Variants in MAPK8 observed in about 807,000 individuals in gnomAD.
MAPK8 encodes the protein mitogen-activated protein kinase 8.
Under a neutral mutation model 52.9 loss-of-function variants are expected in MAPK8, and 13 were observed. The ratio of observed to expected loss-of-function variants is 0.25; its 90% confidence interval spans 0.16 to 0.39. The LOEUF (loss-of-function observed/expected upper bound fraction) is 0.39, where lower values mean the gene tolerates loss of function less well. Ranked by LOEUF, MAPK8 falls within the 10% of genes least tolerant of loss-of-function variation. The pLI is 1.00. For missense variants in MAPK8, 300 were observed against 519.2 expected, an observed-to-expected ratio of 0.58 and a Z score of 4.10; for synonymous variants, 191 against 169.8, an observed-to-expected ratio of 1.12 and a Z score of -0.97.
chr10:48,316,042 G>A (rs1436157834), intron 1 of MAPK8, among the ~76,000 whole-genome samples: 1 of 152,182 alleles, frequency 6.6e-6, no homozygotes, highest in African/African-American at 2.4e-5. Context: ...AACTTGAAAT[G>A]AATTGTGGTT....
intron 1 of MAPK8, among the ~76,000 whole-genome samples, chr10:48,359,766 T>A (rs949207997): frequency 6.6e-6 from 1 of 152,216 alleles, no homozygotes; most frequent in Non-Finnish European, 1.5e-5. Flanking sequence ...CAGTTCCAGG[T>A]TGAATAAATA....
At chr10:48,398,845 G>A (rs191733036) in intron 1 of MAPK8, among the ~76,000 whole-genome samples, 68 of 152,272 alleles carry the variant, frequency 4.5e-4, no homozygotes, top group Non-Finnish European at 8.1e-4. Context: ...TAGGAGTTGG[G>A]GGGCAAGGGG....
At chr10:48,317,776 ATCT>A (rs2132120715) in intron 1 of MAPK8, among the ~76,000 whole-genome samples, 1 of 152,250 alleles carries the variant, frequency 6.6e-6, no homozygotes, top group African/African-American at 2.4e-5. Flanking sequence ...CCTGGCTTTC[ATCT>A]TCTCTGTGGT....
intron 3 of MAPK8, 137 bp from the exon 4 acceptor site, chr10:48,409,742 G>A (rs1287077346): frequency 1.6e-6 from 1 of 642,914 alleles, no homozygotes; most frequent in African/African-American, 1.8e-5. Flanking sequence ...TAAAATGAAA[G>A]CAATTAACTT....
At chr10:48,405,259 T>A (rs1374392424) in intron 3 of MAPK8, among the ~76,000 whole-genome samples, 1 of 152,164 alleles carries the variant, frequency 6.6e-6, no homozygotes, top group Non-Finnish European at 1.5e-5. Flanking sequence ...AGAAGAATTT[T>A]ATTCAGCTTG....
chr10:48,309,159 AAATTGTTGGTTTTTAAAAAT>A (rs1479546618), intron 1 of MAPK8, among the ~76,000 whole-genome samples: 1 of 152,204 alleles, frequency 6.6e-6, no homozygotes, highest in African/African-American at 2.4e-5. Context: ...TTTGTTTTCC[AAATTGTTGGTTTTTAAAAAT>A]AGCTTTATTG....
chr10:48,329,636 CTG>C (rs1171503263), intron 1 of MAPK8, among the ~76,000 whole-genome samples: 2 of 152,046 alleles, frequency 1.3e-5, no homozygotes, highest in East Asian at 1.9e-4. Flanking sequence ...ATGTGTGTAA[CTG>C]TTTTATTGGT....
rs1013672709 is a variant in MAPK8 at position 48,435,239 on chromosome 10, A to G, written c.*210A>G. ...CAAAACAGCAACAAAACTGTATTGT[A>G]TTTTTTTTGCTGTAATTAACTGTAT... On this transcript the variant is annotated 3_prime_UTR_variant, in exon 12 of 12. Transcript: ENST00000374189. 2.0e-4 allele frequency: 88 copies of G among 439,584 alleles called. No homozygotes were observed. The highest frequency in any genetic ancestry group is 1.7e-3 in the African/African-American group (83 of 49,260). 27.2% of individuals were successfully genotyped at this position (439,584 alleles called of 1,614,324 possible).
Position 48,401,702 on chromosome 10 carries a change from G to A in MAPK8, c.42G>A (p.Glu14=). 1 of 1,603,798 alleles carries A rather than the reference G, an allele frequency of 6.2e-7. No individual in the cohort carries two copies. Among genetic ancestry groups the A allele is most frequent in the Non-Finnish European group, 8.5e-7 (1 of 1,175,718 alleles). ...GTGACAACAATTTTTATAGTGTAGAGATTGGAGATTCTACATTCACAGTCC... is the reference window on the plus strand; with the variant it reads ...GTGACAACAATTTTTATAGTGTAGAAATTGGAGATTCTACATTCACAGTCC... ...SKRDNNFYSV[E]IGDSTFTVLK... is the part of the protein sequence containing the mutation. The change falls in exon 2 of 12, where the codon GAG becomes GAA. Residue 14 remains glutamate, a synonymous_variant. Transcript: ENST00000374189.
chr10:48,428,775 C>T (rs1036226433), intron 10 of MAPK8, among the ~76,000 whole-genome samples: 10 of 151,978 alleles, frequency 6.6e-5, no homozygotes, highest in African/African-American at 1.9e-4. Flanking sequence ...TTACAGTAGA[C>T]GATGAAGTAT....
chr10:48,428,339 C>G (rs1455649689), intron 10 of MAPK8, among the ~76,000 whole-genome samples: 1 of 152,154 alleles, frequency 6.6e-6, no homozygotes, highest in African/African-American at 2.4e-5. Context: ...ACTTTTGTAA[C>G]TGCGTGACTT....
At chr10:48,353,920 T>C (rs1037501628) in intron 1 of MAPK8, among the ~76,000 whole-genome samples, 1 of 152,160 alleles carries the variant, frequency 6.6e-6, no homozygotes, top group African/African-American at 2.4e-5. Flanking sequence ...AAGCAGGTAG[T>C]CTTTGTGGCG....
At chr10:48,313,487 T>G (rs1183399645) in intron 1 of MAPK8, among the ~76,000 whole-genome samples, 1 of 152,188 alleles carries the variant, frequency 6.6e-6, no homozygotes, top group Non-Finnish European at 1.5e-5. Flanking sequence ...ATTAATATTT[T>G]TATAAAAGCA....
chr10:48,358,482 G>A (rs541948728), intron 1 of MAPK8, among the ~76,000 whole-genome samples: 6 of 152,138 alleles, frequency 3.9e-5, no homozygotes, highest in African/African-American at 9.7e-5. Flanking sequence ...TTGTTGAATT[G>A]TAAGAGTTCT....
chr10:48,361,509 C>T (rs1564530271), intron 1 of MAPK8, among the ~76,000 whole-genome samples: 1 of 152,134 alleles, frequency 6.6e-6, no homozygotes, highest in Non-Finnish European at 1.5e-5. Flanking sequence ...CTTTCCTAGG[C>T]TTGAATGCTT....
In MAPK8 at chr10:48,403,273, C is replaced by T. The variant is rs149202923; in HGVS notation, c.122+1491C>T. 4.8e-3 allele frequency among the ~76,000 whole-genome samples: 726 copies of T among 152,212 alleles called. 6 individuals carry two copies. Among genetic ancestry groups the T allele is most frequent in the African/African-American group, 0.016 (666 of 41,526 alleles). ...AGGAGTTCAAGACCAGCCTGGCCAACATGGTGAAACCCTGTCTGTACTCAA... is the reference window on the plus strand; with the variant it reads ...AGGAGTTCAAGACCAGCCTGGCCAATATGGTGAAACCCTGTCTGTACTCAA... On this transcript the variant is annotated intron_variant, in intron 2 of 11. Transcript: ENST00000374189.
chr10:48,385,583 T>C (rs1345791870), intron 1 of MAPK8, among the ~76,000 whole-genome samples: 4 of 152,226 alleles, frequency 2.6e-5, no homozygotes, highest in East Asian at 3.8e-4. Context: ...TTCTGGTCTT[T>C]GTTGTTACTT....
At chr10:48,403,917 TTGTGTGTGTGTGTGTGTGTGTGTG>T (rs71465463) in intron 2 of MAPK8, among the ~76,000 whole-genome samples, 1 of 125,672 alleles carries the variant, frequency 8.0e-6, no homozygotes, top group East Asian at 2.3e-4. Context: ...CCCGGCTAAT[TTGTGTGTGTGTGTGTGTGTGTGTG>T]TGTGTGTGTG....
intron 1 of MAPK8, among the ~76,000 whole-genome samples, chr10:48,364,002 G>C (rs1416797882): frequency 6.6e-6 from 1 of 152,132 alleles, no homozygotes; most frequent in Non-Finnish European, 1.5e-5. Context: ...AATCTATTTA[G>C]ATTTCTTCAA....
Sources: gnomAD v4.1 joint callset for allele counts (sites outside exome capture counted in the v4.1 genomes callset) on GRCh38, gnomAD v4.1.1 for gene constraint, MANE v1.5 for transcripts, NCBI Gene and HGNC (gene_info 2026-07-23, HGNC 2026-07-21) for gene names.